SEC14L4: variants seen among roughly 807,000 people sequenced by gnomAD.
SEC14L4 encodes SEC14 like lipid binding 4.
In SEC14L4, 42 loss-of-function variants were observed where a neutral mutation model predicts 55.1. The observed-to-expected ratio is 0.76, with a 90% CI of 0.60 to 0.99. The LOEUF (loss-of-function observed/expected upper bound fraction) is 0.99. Ranked by LOEUF, SEC14L4 falls within the 50% of genes least tolerant of loss-of-function variation. The probability of loss-of-function intolerance (pLI) is 0.00; values close to 1 mark genes in which losing one functional copy is unlikely to be tolerated. For synonymous variants in SEC14L4, 206 were observed against 206.8 expected (o/e 1.00, Z 0.03); for missense variants, 445 against 512.1 (o/e 0.87, Z 1.27).
chr22:30,489,741 T>A lies in SEC14L4; in HGVS notation c.*366A>T. 1.7e-6 allele frequency: 1 copy of A among 590,258 alleles called. No individual in the cohort carries two copies. The highest frequency in any genetic ancestry group is 2.9e-6 in the Non-Finnish European group (1 of 347,900). 36.6% of individuals were successfully genotyped at this position (590,258 alleles called of 1,614,324 possible). Reference sequence around the variant, plus strand: ...GGACCTAGGAACCACGCACACCCCCTGAAGCTGGAACACCAGGCATGGGTG... The same window carrying A: ...GGACCTAGGAACCACGCACACCCCCAGAAGCTGGAACACCAGGCATGGGTG... On this transcript the variant is annotated 3_prime_UTR_variant, in exon 12 of 12. Transcript: ENST00000255858.
intron 2 of SEC14L4, among the ~76,000 whole-genome samples, chr22:30,498,988 T>G (rs929509893): frequency 6.6e-5 from 10 of 152,190 alleles, no homozygotes; most frequent in African/African-American, 2.2e-4. Context: ...TCGCCCAGGC[T>G]GGAGTGCAGT....
chr22:30,490,793 G>C (rs1935926908), intron 11 of SEC14L4, among the ~76,000 whole-genome samples: 1 of 152,182 alleles, frequency 6.6e-6, no homozygotes, highest in African/African-American at 2.4e-5. Flanking sequence ...AGCGGTCACA[G>C]AGCAAGGGAG....
intron 11 of SEC14L4, 40 bp from the exon 12 acceptor site, chr22:30,490,286 C>T (rs757982402): frequency 3.7e-6 from 6 of 1,607,212 alleles, no homozygotes; most frequent in African/African-American, 2.7e-5. Context: ...ACAAACCCCG[C>T]ACATCTGCAG....
intron 6 of SEC14L4, 88 bp downstream of exon 6, chr22:30,494,778 C>T: frequency 1.1e-6 from 1 of 870,130 alleles, no homozygotes; most frequent in Non-Finnish European, 1.9e-6. Context: ...ACCCCTCTAT[C>T]TCACTGGATT....
intron 2 of SEC14L4, among the ~76,000 whole-genome samples, chr22:30,499,496 C>G (rs12165604): frequency 0.28 from 43,003 of 150,972 alleles, 6,486 homozygotes; most frequent in African/African-American, 0.37. Flanking sequence ...CCAGCACTTT[C>G]GGAGGCCAAG....
intron 3 of SEC14L4, 53 bp downstream of exon 3, chr22:30,495,875 T>A: frequency 6.3e-7 from 1 of 1,595,942 alleles, no homozygotes; most frequent in Non-Finnish European, 8.6e-7. Flanking sequence ...TTGCAGCAAA[T>A]CCCTGGGTCA....
At position 30,489,367 on chromosome 22, in the gene SEC14L4, G is replaced by T. The variant is rs1935879789; in HGVS notation, c.*740C>A. 1.2e-5 allele frequency: 2 copies of T among 173,344 alleles called. No homozygotes were observed. The highest frequency in any genetic ancestry group is 1.1e-4 in the Admixed American group (2 of 18,228). 10.7% of individuals were successfully genotyped at this position (173,344 alleles called of 1,614,324 possible). A position where few individuals can be genotyped will look rare whatever the true frequency, so the allele number is the denominator to read the frequency against. ...CGATTCTCCTGCCTCAGCCTCCTGA[G>T]TAGCTGGGATTACAGGTGCACGCCA... On this transcript the variant is annotated 3_prime_UTR_variant, in exon 12 of 12. Coordinates refer to ENST00000255858, the MANE Select transcript of SEC14L4 (RefSeq NM_174977.4).
chr22:30,492,464 C>G lies in SEC14L4; in HGVS notation c.664+10G>C. On this transcript the variant is annotated intron_variant, in intron 8 of 11. Coordinates refer to ENST00000255858, the MANE Select transcript of SEC14L4 (RefSeq NM_174977.4). ...GCAGATGGACACAACCAGGGGGCCACGTCGCTCACCTCCCAGAATCACAAT... is the reference window on the plus strand; with the variant it reads ...GCAGATGGACACAACCAGGGGGCCAGGTCGCTCACCTCCCAGAATCACAAT... 6.2e-7 allele frequency: 1 copy of G among 1,611,294 alleles called. No homozygotes were observed. Among genetic ancestry groups the G allele is most frequent in the Non-Finnish European group, 8.5e-7 (1 of 1,177,432 alleles).
rs1174705113 is a variant in SEC14L4, at chr22:30,489,920, G to A, written c.*187C>T. 6.4e-7 allele frequency: 1 copy of A among 1,551,854 alleles called. No individual in the cohort carries two copies. The highest frequency in any genetic ancestry group is 8.7e-7 in the Non-Finnish European group (1 of 1,147,040). On this transcript the variant is annotated 3_prime_UTR_variant, in exon 12 of 12. Transcript: ENST00000255858. ...AGGTTCCTGTCTGAATCTTCAGCAT[G>A]GGCTATGCACTGGTGGCCCCTTCCT...
At position 30,496,072 on chromosome 22, in the gene SEC14L4, C is replaced by T. The variant is rs796364282; in HGVS notation, c.131-101G>A. 9.7e-6 allele frequency: 8 copies of T among 825,826 alleles called. No homozygotes were observed. In the African/African-American group the frequency reaches 1.2e-4, roughly 12 times the overall value. 51.2% of individuals were successfully genotyped at this position (825,826 alleles called of 1,614,324 possible). A position where few individuals can be genotyped will look rare whatever the true frequency, so the allele number is the denominator to read the frequency against. Reference sequence around the variant, plus strand: ...CAGCTAAGGTGTCCCCAGCCTTTTCCTGACACCCCAATAATACATTGAACA... The same window carrying T: ...CAGCTAAGGTGTCCCCAGCCTTTTCTTGACACCCCAATAATACATTGAACA... On this transcript the variant is annotated intron_variant, in intron 2 of 11. Coordinates refer to ENST00000255858, the MANE Select transcript of SEC14L4 (RefSeq NM_174977.4).
chr22:30,497,934 C>A (rs1936202112), intron 2 of SEC14L4, among the ~76,000 whole-genome samples: 1 of 152,046 alleles, frequency 6.6e-6, no homozygotes, highest in South Asian at 2.1e-4. Flanking sequence ...TGATTGAGGA[C>A]CTGGAGTTTT....
chr22:30,497,880 C>T (rs766744866), intron 2 of SEC14L4, among the ~76,000 whole-genome samples: 4 of 152,088 alleles, frequency 2.6e-5, no homozygotes, highest in East Asian at 3.9e-4. Flanking sequence ...TTATGGTAGC[C>T]GCTAGCTGCC....
intron 2 of SEC14L4, 128 bp from the exon 3 acceptor site, chr22:30,496,099 C>T (rs755146295): frequency 1.5e-6 from 1 of 673,378 alleles, no homozygotes; most frequent in Non-Finnish European, 2.6e-6. Flanking sequence ...CATTGAACAT[C>T]TAGAAATGGT....
In SEC14L4 at chr22:30,492,082, A is replaced by G. The variant is rs759611026; in HGVS notation, c.738T>C (p.Thr246=). 1 of 1,613,850 alleles carries G rather than the reference A, an allele frequency of 6.2e-7. No homozygotes were observed. Among genetic ancestry groups the G allele is most frequent in the Non-Finnish European group, 8.5e-7 (1 of 1,179,842 alleles). The change falls in exon 9 of 12, where the codon ACT becomes ACC. Residue 246 remains threonine, a synonymous_variant. Transcript: ENST00000255858. ...GGCACTTGGGGTTGCCATCGGGGTC[A>G]GTCATGGTCCCCCCAAACTCCACAG... ...QLPVEFGGTM[T]DPDGNPKCLT...
At chr22:30,490,958 TCGTG>T in intron 11 of SEC14L4, among the ~76,000 whole-genome samples, 1 of 152,160 alleles carries the variant, frequency 6.6e-6, no homozygotes, top group Admixed American at 6.5e-5. Flanking sequence ...GTGTGATGAG[TCGTG>T]CAGACTTGTC....
intron 2 of SEC14L4, among the ~76,000 whole-genome samples, chr22:30,503,263 T>G (rs1320248316): frequency 6.6e-6 from 1 of 150,926 alleles, no homozygotes; most frequent in Admixed American, 6.6e-5. Flanking sequence ...GTTTTTTGTT[T>G]TTTTGTTTTT....
At chr22:30,491,195 G>A (rs979884186) in intron 11 of SEC14L4, among the ~76,000 whole-genome samples, 1 of 152,206 alleles carries the variant, frequency 6.6e-6, no homozygotes, top group Non-Finnish European at 1.5e-5. Flanking sequence ...GGGGGTGAAT[G>A]ATAAGCACCT....
chr22:30,490,194 G>A lies in SEC14L4; in HGVS notation c.1134C>T (p.Ser378=). Residue 378 remains serine (S), a synonymous_variant, in exon 12 of 12, where the codon AGC becomes AGT. Transcript: ENST00000255858. ...TYSRMHAKKL[S]YTVEVLLPDK... is the part of the protein sequence containing the mutation. ...CGGGAAGCAGCACCTCCACAGTGTA[G>A]CTGAGCTTCTTGGCATGCATCCGGC... 6.2e-7 allele frequency: 1 copy of A among 1,614,134 alleles called. No homozygotes were observed. The highest frequency in any genetic ancestry group is 2.2e-5 in the East Asian group (1 of 44,878).
intron 2 of SEC14L4, among the ~76,000 whole-genome samples, chr22:30,497,784 T>C (rs1002104879): frequency 6.6e-6 from 1 of 152,194 alleles, no homozygotes. Context: ...CTCTGGGCTA[T>C]ATATTTATTA....
Sources: gnomAD v4.1 joint callset for allele counts (sites outside exome capture counted in the v4.1 genomes callset) on GRCh38, gnomAD v4.1.1 for gene constraint, MANE v1.5 for transcripts, NCBI Gene and HGNC (gene_info 2026-07-23, HGNC 2026-07-21) for gene names.